Variants in UCK2 observed in about 807,000 individuals in gnomAD.
UCK2 encodes the protein uridine-cytidine kinase 2.
In UCK2, 6 loss-of-function variants were observed where a neutral mutation model predicts 30.8. That is an observed-to-expected ratio of 0.19 (90% CI 0.11 to 0.38). The LOEUF (loss-of-function observed/expected upper bound fraction) is 0.38, where lower values mean the gene tolerates loss of function less well. UCK2 is among the 10% of genes least tolerant of loss of function. The pLI is 1.00. For missense variants in UCK2, 210 were observed against 339.8 expected, an observed-to-expected ratio of 0.62 and a Z score of 3.00; for synonymous variants, 125 against 133.6, an observed-to-expected ratio of 0.94 and a Z score of 0.45.
Position 165,869,534 on chromosome 1 carries a change from T to A in UCK2, c.100-20670T>A, listed in dbSNP as rs529935447. ...TCTACAGTGGCTATACAAGTTCACA[T>A]TCCTGCCAGCAGTGCACAAGAATTC... On this transcript the variant is annotated intron_variant, in intron 1 of 6. Transcript: ENST00000367879. 3.8e-4 allele frequency among the ~76,000 whole-genome samples: 58 copies of A among 152,218 alleles called. 1 individual carries two copies. Among genetic ancestry groups the A allele is most frequent in the African/African-American group, 1.3e-3 (56 of 41,522 alleles).
chr1:165,908,008 C>T lies in UCK2; in HGVS notation c.*185C>T. 1 of 837,184 alleles carries T rather than the reference C, an allele frequency of 1.2e-6. No individual in the cohort carries two copies. Among genetic ancestry groups the T allele is most frequent in the Non-Finnish European group, 1.7e-6 (1 of 576,768 alleles). The allele number at this position is 837,184 out of a possible 1,614,324, so 51.9% of individuals were successfully genotyped here. A position where few individuals can be genotyped will look rare whatever the true frequency, so the allele number is the denominator to read the frequency against. On this transcript the variant is annotated 3_prime_UTR_variant, in exon 7 of 7. Transcript: ENST00000367879. Reference sequence around the variant, plus strand: ...AACGACAAAATGAAACAGAACTTGACCCTGAGCTTAAATAACAAAACTGTG... The same window carrying T: ...AACGACAAAATGAAACAGAACTTGATCCTGAGCTTAAATAACAAAACTGTG...
chr1:165,895,665 T>C, intron 3 of UCK2: 1 of 985,628 alleles, frequency 1.0e-6, no homozygotes, highest in Non-Finnish European at 1.2e-6. Context: ...TTCCCAAAAC[T>C]TTTCTTTATT....
At chr1:165,834,548 A>G (rs1045724371) in intron 1 of UCK2, among the ~76,000 whole-genome samples, 12 of 152,238 alleles carry the variant, frequency 7.9e-5, no homozygotes, top group Admixed American at 2.6e-4. Flanking sequence ...GCCCTCCAGC[A>G]TTAGGCTTTC....
intron 1 of UCK2, among the ~76,000 whole-genome samples, chr1:165,838,077 T>C (rs1654239281): frequency 6.6e-6 from 1 of 151,506 alleles, no homozygotes; most frequent in Admixed American, 6.6e-5. Context: ...CTTGGATCCA[T>C]TCCCTTAGGA....
intron 1 of UCK2, among the ~76,000 whole-genome samples, chr1:165,835,980 G>T (rs938933917): frequency 3.3e-5 from 5 of 152,158 alleles, no homozygotes; most frequent in African/African-American, 1.2e-4. Context: ...TGTAATCCTA[G>T]CACTTTGAGA....
intron 4 of UCK2, among the ~76,000 whole-genome samples, chr1:165,901,029 G>A (rs565856216): frequency 2.0e-5 from 3 of 152,156 alleles, no homozygotes; most frequent in Non-Finnish European, 4.4e-5. Context: ...TTAGCCATGT[G>A]TGCCGGAGCT....
At chr1:165,830,301 C>T (rs1345232757) in intron 1 of UCK2, among the ~76,000 whole-genome samples, 4 of 145,598 alleles carry the variant, frequency 2.7e-5, no homozygotes, top group African/African-American at 1.0e-4. Flanking sequence ...ACTACCTGGG[C>T]TGGCTTTTTA....
At chr1:165,867,647 T>G (rs1655079951) in intron 1 of UCK2, among the ~76,000 whole-genome samples, 1 of 152,176 alleles carries the variant, frequency 6.6e-6, no homozygotes, top group Non-Finnish European at 1.5e-5. Context: ...AACTCCTTAT[T>G]TGTTCACATT....
At chr1:165,835,448 G>A (rs1248069597) in intron 1 of UCK2, among the ~76,000 whole-genome samples, 1 of 151,662 alleles carries the variant, frequency 6.6e-6, no homozygotes, top group Non-Finnish European at 1.5e-5. Flanking sequence ...CGGTCGTCCT[G>A]TCTTGGGCTC....
chr1:165,852,427 G>A (rs1164405836), intron 1 of UCK2, among the ~76,000 whole-genome samples: 6 of 152,064 alleles, frequency 3.9e-5, no homozygotes, highest in Non-Finnish European at 5.9e-5. Context: ...GACACTTCTC[G>A]AAAGAAGACA....
chr1:165,860,216 A>G (rs1162457172), intron 1 of UCK2, among the ~76,000 whole-genome samples: 2 of 152,160 alleles, frequency 1.3e-5, no homozygotes, highest in Non-Finnish European at 2.9e-5. Context: ...GCTGCCTTTC[A>G]GGATCACCTT....
At chr1:165,851,255 T>C (rs968997350) in intron 1 of UCK2, among the ~76,000 whole-genome samples, 8 of 152,214 alleles carry the variant, frequency 5.3e-5, no homozygotes, top group African/African-American at 1.9e-4. Flanking sequence ...ATTGTCATGA[T>C]GGTTTTTCTT....
At chr1:165,848,682 A>C (rs12409320) in intron 1 of UCK2, among the ~76,000 whole-genome samples, 11 of 151,648 alleles carry the variant, frequency 7.3e-5, no homozygotes, top group East Asian at 5.9e-4. Flanking sequence ...ACACACCCCC[A>C]AAAACCCCCT....
chr1:165,871,108 G>T (rs371458023), intron 1 of UCK2, among the ~76,000 whole-genome samples: 2 of 152,116 alleles, frequency 1.3e-5, no homozygotes, highest in Admixed American at 6.6e-5. Flanking sequence ...GAGCCACCTC[G>T]CCTGGCCCCT....
At chr1:165,896,358 C>T (rs1412629579) in intron 4 of UCK2, 26 bp downstream of exon 4, 1 of 1,612,820 alleles carries the variant, frequency 6.2e-7, no homozygotes, top group African/African-American at 1.3e-5. Context: ...CTCAGGTGGC[C>T]CTGTTGGTGG....
intron 1 of UCK2, among the ~76,000 whole-genome samples, chr1:165,855,952 A>T (rs572640492): frequency 1.3e-5 from 2 of 152,112 alleles, no homozygotes; most frequent in African/African-American, 4.8e-5. Context: ...GTGGTTTTTG[A>T]TCATCTCTGG....
chr1:165,851,102 G>GT (rs1654585654), intron 1 of UCK2, among the ~76,000 whole-genome samples: 1 of 152,202 alleles, frequency 6.6e-6, no homozygotes, highest in Admixed American at 6.5e-5. Context: ...CACACAGGGT[G>GT]AATCTTGGGA....
chr1:165,908,703 T>G lies in UCK2; in HGVS notation c.*880T>G, dbSNP rs1647756194. The G allele has an allele frequency of 6.6e-6, 1 of 152,270 alleles. No individual in the cohort carries two copies. Among genetic ancestry groups the G allele is most frequent in the African/African-American group, 2.4e-5 (1 of 41,438 alleles). The allele number at this position is 152,270 out of a possible 1,614,324, so 9.4% of individuals were successfully genotyped here. A position where few individuals can be genotyped will look rare whatever the true frequency, so the allele number is the denominator to read the frequency against. On this transcript the variant is annotated 3_prime_UTR_variant, in exon 7 of 7. Coordinates refer to ENST00000367879, the MANE Select transcript of UCK2 (RefSeq NM_012474.5). ...AGATGGGAAGGAGAGGGCAGAACTT[T>G]GCCTGCTGTCATATCTGAAGAATCA...
At chr1:165,905,167 C>T (rs1647608815) in intron 5 of UCK2, among the ~76,000 whole-genome samples, 1 of 152,178 alleles carries the variant, frequency 6.6e-6, no homozygotes, top group Non-Finnish European at 1.5e-5. Flanking sequence ...AGGTCATAAG[C>T]TGAAACAGTG....
Sources: gnomAD v4.1 joint callset for allele counts (sites outside exome capture counted in the v4.1 genomes callset) on GRCh38, gnomAD v4.1.1 for gene constraint, MANE v1.5 for transcripts, NCBI Gene and HGNC (gene_info 2026-07-23, HGNC 2026-07-21) for gene names.